Variants in PPM1F observed in about 807,000 individuals in gnomAD.
The protein encoded by PPM1F is protein phosphatase 1F.
Under a neutral mutation model 35.5 loss-of-function variants are expected in PPM1F, and 17 were observed. The ratio of observed to expected loss-of-function variants is 0.48; its 90% CI spans 0.33 to 0.72. PPM1F has a LOEUF of 0.72. PPM1F is among the 30% of genes least tolerant of loss of function. The probability of loss-of-function intolerance (pLI) is 0.02; values close to 1 mark genes in which losing one functional copy is unlikely to be tolerated. For missense variants in PPM1F, 521 were observed against 613.0 expected, an observed-to-expected ratio of 0.85 and a Z score of 1.59; for synonymous variants, 241 against 255.5, an observed-to-expected ratio of 0.94 and a Z score of 0.54.
At chr22:21,927,937 G>GTTTTTTTTTTTTTTTTTTTTTTT (rs1392008034) in intron 6 of PPM1F, among the ~76,000 whole-genome samples, 3 of 68,106 alleles carry the variant, frequency 4.4e-5, no homozygotes, top group East Asian at 6.1e-4. Flanking sequence ...TCTGTTTTTT[G>GTTTTTTTTTTTTTTTTTTTTTTT]TTTTGTTTTT....
At position 21,931,260 on chromosome 22, in the gene PPM1F, G is replaced by A. The variant is rs61730100; in HGVS notation, c.779C>T (p.Ala260Val). The change falls in exon 6 of 8, where the codon GCG (alanine) becomes GTG (valine). Residue 260 changes from alanine to valine, a missense_variant. By Grantham distance (64) the Ala-to-Val change is moderately conservative (BLOSUM62 0). Coordinates refer to ENST00000263212, the MANE Select transcript of PPM1F (RefSeq NM_014634.4). ...RLQSGTTGVC[A>V]LIAGATLHVA... ...GTGCAGGGTCGCTCCTGCAATGAGC[G>A]CACACACACCTGTGGTGCCGCTCTG... 1.2e-3 allele frequency: 1,930 copies of A among 1,613,376 alleles called. 15 individuals are homozygous for A. The African/African-American group carries it at 0.02, about 17-fold the overall frequency.
rs1206856529 is a variant in PPM1F, at chr22:21,923,463, A to G, written c.994T>C (p.Phe332Leu). Residue 332 changes from phenylalanine to leucine, a missense_variant, in exon 8 of 8, where the codon TTC becomes CTC. Around this residue, in one of 3 missense-constraint regions of PPM1F, gnomAD observed 163 missense variants for 169.6 expected, o/e 0.96. Transcript: ENST00000263212. ...LAVSRAIGDV[F>L]QKPYVSGEAD... Reference sequence around the variant, plus strand: ...TCCCCAGACACGTAGGGCTTCTGGAAGACATCCCCTGGACAGGCGGAGAAG... The same window carrying G: ...TCCCCAGACACGTAGGGCTTCTGGAGGACATCCCCTGGACAGGCGGAGAAG... The G allele has an allele frequency of 6.2e-7, 1 of 1,603,710 alleles. No individual in the cohort carries two copies. The highest frequency in any genetic ancestry group is 1.7e-5 in the Admixed American group (1 of 59,682).
intron 2 of PPM1F, chr22:21,943,037 C>T (rs576132144): frequency 1.3e-5 from 2 of 152,406 alleles, no homozygotes; most frequent in Non-Finnish European, 2.9e-5. Flanking sequence ...AAATATGTGA[C>T]AGGAGGCTCC....
At position 21,931,267 on chromosome 22, in the gene PPM1F, C is replaced by T. The variant is rs775666012; in HGVS notation, c.772G>A (p.Val258Met). 4 of 1,613,244 alleles carry T rather than the reference C, an allele frequency of 2.5e-6. No individual in the cohort carries two copies. The highest frequency in any genetic ancestry group is 3.4e-6 in the Non-Finnish European group (4 of 1,180,020). Residue 258 changes from valine to methionine, a missense_variant, in exon 6 of 8, where the codon GTG becomes ATG. By Grantham distance (21) the Val-to-Met change is conservative. Transcript: ENST00000263212. ...GTCGCTCCTGCAATGAGCGCACACACACCTGTGGTGCCGCTCTGCAGCCGC... is the reference window on the plus strand; with the variant it reads ...GTCGCTCCTGCAATGAGCGCACACATACCTGTGGTGCCGCTCTGCAGCCGC... ...RERLQSGTTG[V>M]CALIAGATLH...
chr22:21,948,053 TA>T (rs2070794556), intron 1 of PPM1F: 2 of 152,140 alleles, frequency 1.3e-5, no homozygotes, highest in Admixed American at 1.3e-4. Context: ...AACGTAGGAA[TA>T]GGGGTGCTTG....
intron 5 of PPM1F, among the ~76,000 whole-genome samples, chr22:21,931,990 T>C (rs528862350): frequency 6.6e-6 from 1 of 152,076 alleles, no homozygotes; most frequent in Non-Finnish European, 1.5e-5. Context: ...TTTTTTTTTT[T>C]AATTTTTAGT....
chr22:21,925,733 A>G, intron 6 of PPM1F, 71 bp from the exon 7 acceptor site: 1 of 1,275,460 alleles, frequency 7.8e-7, no homozygotes, highest in Non-Finnish European at 1.1e-6. Context: ...CTGCTACCTG[A>G]GCAGAGGCAC....
chr22:21,933,892 G>A lies in PPM1F; in HGVS notation c.558+132C>T. On this transcript the variant is annotated intron_variant, in intron 4 of 7. Transcript: ENST00000263212. ...TGTTGCCCTTCTTAGTCTCTTGCTG[G>A]GCAAGTACAGGGGCTGACGGGTGTC... 4.4e-6 allele frequency: 4 copies of A among 898,908 alleles called. No homozygotes were observed. The South Asian group carries it at 7.1e-5, about 16-fold the overall frequency. 55.7% of individuals were successfully genotyped at this position (898,908 alleles called of 1,614,324 possible).
Position 21,921,221 on chromosome 22 carries a change from A to C in PPM1F, c.*1871T>G, listed in dbSNP as rs566654754. 2 of 151,174 alleles carry C rather than the reference A, an allele frequency of 1.3e-5. No individual in the cohort carries two copies. The highest frequency in any genetic ancestry group is 4.2e-4 in the South Asian group (2 of 4,792). The allele number at this position is 151,174 out of a possible 1,614,324, so 9.4% of individuals were successfully genotyped here. A position where few individuals can be genotyped will look rare whatever the true frequency, so the allele number is the denominator to read the frequency against. On this transcript the variant is annotated 3_prime_UTR_variant, in exon 8 of 8. Coordinates refer to ENST00000263212, the MANE Select transcript of PPM1F (RefSeq NM_014634.4). ...CGTGCCTCCTCGGCGAGCTGAGAGGAGGCCAAGGTGCTTGGGGCACAGCTG... is the reference window on the plus strand; with the variant it reads ...CGTGCCTCCTCGGCGAGCTGAGAGGCGGCCAAGGTGCTTGGGGCACAGCTG...
rs1191673557 is a variant in PPM1F at position 21,931,171 on chromosome 22, C to T, written c.868G>A (p.Glu290Lys). 1 of 1,614,212 alleles carries T rather than the reference C, an allele frequency of 6.2e-7. No homozygotes were observed. The highest frequency in any genetic ancestry group is 8.5e-7 in the Non-Finnish European group (1 of 1,180,048). The change falls in exon 6 of 8, where the codon GAG (glutamate) becomes AAG (lysine). Residue 290 changes from glutamate (E) to lysine (K), a missense_variant. This residue lies in a region of PPM1F where 47 missense variants were observed against 92.0 expected (regional missense o/e 0.51). Transcript: ENST00000263212. ...ACCTGCCGTTCTGGTCTGTGTGGCT[C>T]CATCAGCTTCACCACCTGTCCCTGC... is the stretch of plus-strand genomic sequence containing the variant. ...VQQGQVVKLM[E>K]PHRPERQDEK...
At chr22:21,928,485 T>C (rs943300556) in intron 6 of PPM1F, among the ~76,000 whole-genome samples, 1 of 152,138 alleles carries the variant, frequency 6.6e-6, no homozygotes, top group Non-Finnish European at 1.5e-5. Context: ...CCTTACAGAG[T>C]TCCTCCCAGC....
In PPM1F at chr22:21,939,918, T is replaced by G. The variant is rs1023718639; in HGVS notation, c.207-238A>C. Among the ~76,000 whole-genome samples, 1 of 152,092 alleles carries G rather than the reference T, an allele frequency of 6.6e-6. No homozygotes were observed. Among genetic ancestry groups the G allele is most frequent in the Admixed American group, 6.5e-5 (1 of 15,276 alleles). ...TGGGAGGGGGCTGTTGATGGGCAAG[T>G]AAACTGCCTGACATCCATGCTGATG... On this transcript the variant is annotated intron_variant, in intron 2 of 7. Transcript: ENST00000263212. This position sits in a 1 kb window ranked among gnomAD's most constrained non-coding sequence, Gnocchi z 5.1.
chr22:21,948,408 A>G (rs1236516229), intron 1 of PPM1F: 1 of 152,096 alleles, frequency 6.6e-6, no homozygotes, highest in Non-Finnish European at 1.5e-5. Context: ...TCAAACGACA[A>G]AGGGAAGACT....
In PPM1F at chr22:21,934,055, A is replaced by C; in HGVS notation, c.527T>G (p.Leu176Arg). Residue 176 changes from leucine (L) to arginine (R), a missense_variant, in exon 4 of 8, where the codon CTC becomes CGC. Around this residue, in one of 3 missense-constraint regions of PPM1F, gnomAD observed 311 missense variants for 351.5 expected, o/e 0.88. Transcript: ENST00000263212. ...RRKMEDRHVSLPSFNQLFGLS... is the reference protein window; with the variant it reads ...RRKMEDRHVSRPSFNQLFGLS... ...GCCGAAGAGCTGGTTGAAGGAAGGG[A>C]GGGACACGTGCCGGTCCTCCATCTT... is the stretch of plus-strand genomic sequence containing the variant. 1 of 1,564,980 alleles carries C rather than the reference A, an allele frequency of 6.4e-7. No individual in the cohort carries two copies. The highest frequency in any genetic ancestry group is 8.7e-7 in the Non-Finnish European group (1 of 1,154,252).
At position 21,939,698 on chromosome 22, in the gene PPM1F, G is replaced by A. The variant is rs748666162; in HGVS notation, c.207-18C>T. Reference sequence around the variant, plus strand: ...GGGCCTTCCTAGGGATGAGGAGGGGGAAGTGAGGGGCAGCCCCCAGCAGGA... The same window carrying A: ...GGGCCTTCCTAGGGATGAGGAGGGGAAAGTGAGGGGCAGCCCCCAGCAGGA... On this transcript the variant is annotated intron_variant, in intron 2 of 7. Transcript: ENST00000263212. The surrounding 1 kb of genome is among the most constrained non-coding windows in gnomAD (Gnocchi z 5.1). 9 of 1,551,228 alleles carry A rather than the reference G, an allele frequency of 5.8e-6. No individual in the cohort carries two copies. The highest frequency in any genetic ancestry group is 1.4e-5 in the African/African-American group (1 of 73,040).
rs777482654 is a variant in PPM1F at position 21,938,635 on chromosome 22, G to A, written c.355+897C>T. ...GAAAGGAAATGGCCGACAGGAAATGGCAAGGAAGGGAAAATCCACTGCAAC... is the reference window on the plus strand; with the variant it reads ...GAAAGGAAATGGCCGACAGGAAATGACAAGGAAGGGAAAATCCACTGCAAC... On this transcript the variant is annotated intron_variant, in intron 3 of 7. Coordinates refer to ENST00000263212, the MANE Select transcript of PPM1F (RefSeq NM_014634.4). 78 of 1,017,278 alleles carry A rather than the reference G, an allele frequency of 7.7e-5. 1 individual carries two copies. The highest frequency in any genetic ancestry group is 9.1e-5 in the Non-Finnish European group (77 of 842,152). The allele number at this position is 1,017,278 out of a possible 1,614,324, so 63.0% of individuals were successfully genotyped here. A position where few individuals can be genotyped will look rare whatever the true frequency, so the allele number is the denominator to read the frequency against.
chr22:21,930,158 T>G (rs1400813999), intron 6 of PPM1F, among the ~76,000 whole-genome samples: 1 of 152,176 alleles, frequency 6.6e-6, no homozygotes, highest in Non-Finnish European at 1.5e-5. Context: ...AAAAGCAAAC[T>G]TAACAATTGC....
At chr22:21,938,459 A>C in intron 3 of PPM1F, 1 of 1,131,864 alleles carries the variant, frequency 8.8e-7, no homozygotes. Flanking sequence ...GAGAGCGAGG[A>C]GGAGAGCGCG....
chr22:21,942,207 G>A (rs2145805028), intron 2 of PPM1F: 1 of 152,338 alleles, frequency 6.6e-6, no homozygotes, highest in East Asian at 1.9e-4. Flanking sequence ...CTTGTTCCAT[G>A]GGGGCTGGGC....
Sources: gnomAD v4.1 joint callset for allele counts (sites outside exome capture counted in the v4.1 genomes callset) on GRCh38, gnomAD v4.1.1 for gene constraint, gnomAD v4.1.1 regional missense constraint, Gnocchi (gnomAD v3.1) non-coding constraint, MANE v1.5 for transcripts, NCBI Gene and HGNC (gene_info 2026-07-23, HGNC 2026-07-21) for gene names.